KCNN2: variants seen among roughly 807,000 people sequenced by gnomAD.
The protein encoded by KCNN2 is potassium calcium-activated channel subfamily N member 2, also known as small conductance calcium-activated potassium channel protein 2.
In KCNN2, 24 loss-of-function variants were observed where a neutral mutation model predicts 55.5. That is an observed-to-expected ratio of 0.43 (90% CI 0.31 to 0.61). The LOEUF is 0.61. KCNN2 is among the 20% of genes least tolerant of loss of function. KCNN2 has a pLI of 0.08. For synonymous variants in KCNN2, 431 were observed against 336.1 expected, an observed-to-expected ratio of 1.28 and a Z score of -3.09; for missense variants, 754 against 853.6, an observed-to-expected ratio of 0.88 and a Z score of 1.45.
At chr5:114,265,648 G>A (rs955272422) in intron 2 of KCNN2, among the ~76,000 whole-genome samples, 10 of 152,122 alleles carry the variant, frequency 6.6e-5, no homozygotes, top group Non-Finnish European at 2.9e-5. Context: ...CCCACATAAG[G>A]AAAGTTAATC....
intron 3 of KCNN2, among the ~76,000 whole-genome samples, chr5:114,440,767 A>G (rs985615924): frequency 3.3e-5 from 5 of 152,188 alleles, no homozygotes; most frequent in Admixed American, 3.3e-4. Context: ...AGTAATAAAA[A>G]TAGAATGTAT....
intron 1 of KCNN2, among the ~76,000 whole-genome samples, chr5:114,059,069 C>T (rs1218981456): frequency 1.3e-5 from 2 of 152,002 alleles, no homozygotes; most frequent in East Asian, 1.9e-4. Context: ...CCAGCAATAG[C>T]CTGTTGGTGC....
chr5:114,224,663 G>T (rs983448536), intron 2 of KCNN2, among the ~76,000 whole-genome samples: 11 of 152,176 alleles, frequency 7.2e-5, no homozygotes, highest in Non-Finnish European at 5.9e-5. Flanking sequence ...TTCAAGGCAG[G>T]TGAGGTTTCT....
At chr5:114,425,498 A>G (rs1040907918) in intron 3 of KCNN2, among the ~76,000 whole-genome samples, 1 of 152,126 alleles carries the variant, frequency 6.6e-6, no homozygotes, top group Non-Finnish European at 1.5e-5. Flanking sequence ...TCCTTTGCAC[A>G]CATCCTCAAT....
chr5:114,071,591 G>A (rs890194426), intron 1 of KCNN2, among the ~76,000 whole-genome samples: 6 of 151,970 alleles, frequency 3.9e-5, no homozygotes, highest in African/African-American at 1.5e-4. Context: ...TCAAATAAAA[G>A]TTCATTGATA....
Position 114,267,258 on chromosome 5 carries a change from G to A in KCNN2, c.-185+45693G>A, listed in dbSNP as rs1755229437. Among the ~76,000 whole-genome samples the A allele has an allele frequency of 2.6e-5, 4 of 152,138 alleles. No individual in the cohort carries two copies. In the South Asian group the frequency reaches 8.3e-4, roughly 32 times the overall value. On this transcript the variant is annotated intron_variant, in intron 2 of 10. Coordinates refer to the KCNN2 transcript ENST00000512097. The stretch of plus-strand genomic sequence containing the variant: ...TCCACCCACCCCTCGGCCTCCCAAA[G>A]TGTTGGGATTACAGGCGTGAGCCAC...
intron 1 of KCNN2, among the ~76,000 whole-genome samples, chr5:114,068,243 A>G (rs1329316423): frequency 6.6e-6 from 1 of 152,252 alleles, no homozygotes; most frequent in Non-Finnish European, 1.5e-5. Flanking sequence ...AGTCCTTGGA[A>G]CATAATTATT....
Position 114,490,892 on chromosome 5 carries a change from G to T in KCNN2, c.2019-2511G>T, listed in dbSNP as rs932730323. On this transcript the variant is annotated intron_variant, in intron 6 of 7. Coordinates refer to ENST00000673685, the MANE Select transcript of KCNN2 (RefSeq NM_021614.4). ...CAACATATGTTTCTTTTTCTTTTTT[G>T]GGGGGAAAAGTGTAATACACATCTG... Among the ~76,000 whole-genome samples the T allele has an allele frequency of 4.6e-5, 7 of 151,904 alleles. No homozygotes were observed. The East Asian group carries it at 7.7e-4, about 17-fold the overall frequency.
At chr5:114,260,532 G>T (rs1172666767) in intron 2 of KCNN2, among the ~76,000 whole-genome samples, 2 of 152,142 alleles carry the variant, frequency 1.3e-5, no homozygotes, top group Non-Finnish European at 2.9e-5. Context: ...CCTCACTGTT[G>T]TGTAAAATCT....
In KCNN2 at chr5:114,388,805, A is replaced by G. The variant is rs115858774; in HGVS notation, c.1219-15633A>G. On this transcript the variant is annotated intron_variant, in intron 2 of 7. Coordinates refer to ENST00000673685, the MANE Select transcript of KCNN2 (RefSeq NM_021614.4). The stretch of plus-strand genomic sequence containing the variant: ...TTTGAAGTTTACAGTGACTTATTCT[A>G]TATCAGTTTTTTTTATTTTAACAAT... Among the ~76,000 whole-genome samples, 4 of 152,068 alleles carry G rather than the reference A, an allele frequency of 2.6e-5. No homozygotes were observed. The South Asian group carries it at 6.2e-4, about 24-fold the overall frequency.
At chr5:114,222,797 A>G (rs1017330025) in intron 2 of KCNN2, among the ~76,000 whole-genome samples, 1 of 152,164 alleles carries the variant, frequency 6.6e-6, no homozygotes, top group East Asian at 1.9e-4. Flanking sequence ...GTACTTCCTA[A>G]TAAGTCAGCT....
At chr5:114,233,638 C>T (rs1233410937) in intron 2 of KCNN2, among the ~76,000 whole-genome samples, 1 of 151,836 alleles carries the variant, frequency 6.6e-6, no homozygotes, top group Non-Finnish European at 1.5e-5. Flanking sequence ...CACTTTTATT[C>T]TTATAGTGAA....
At chr5:114,230,145 T>C (rs1398594512) in intron 2 of KCNN2, among the ~76,000 whole-genome samples, 1 of 152,176 alleles carries the variant, frequency 6.6e-6, no homozygotes, top group Admixed American at 6.5e-5. Flanking sequence ...AATGTATTTA[T>C]TTATAACACA....
intron 1 of KCNN2, among the ~76,000 whole-genome samples, chr5:114,057,802 G>T (rs1580471750): frequency 6.6e-6 from 1 of 152,124 alleles, no homozygotes; most frequent in East Asian, 1.9e-4. Context: ...TGAAGTGATG[G>T]TTGTTACCTT....
intron 1 of KCNN2, among the ~76,000 whole-genome samples, chr5:114,203,091 T>A (rs1753706780): frequency 6.6e-6 from 1 of 152,194 alleles, no homozygotes; most frequent in Non-Finnish European, 1.5e-5. Context: ...ATTTTGCTAG[T>A]GAAAGATGCT....
chr5:114,364,101 C>A, intron 2 of KCNN2, 100 bp downstream of exon 2: 1 of 832,468 alleles, frequency 1.2e-6, no homozygotes, highest in Non-Finnish European at 2.0e-6. Context: ...CATGTCCTTG[C>A]TTGAGGTTAC....
At chr5:114,347,525 A>T (rs1006989099) in intron 2 of KCNN2, among the ~76,000 whole-genome samples, 1 of 152,230 alleles carries the variant, frequency 6.6e-6, no homozygotes, top group African/African-American at 2.4e-5. Context: ...GTTCTTCATC[A>T]CAGAACTACG....
intron 1 of KCNN2, among the ~76,000 whole-genome samples, chr5:114,115,582 G>T (rs1325426506): frequency 1.3e-5 from 2 of 152,040 alleles, no homozygotes; most frequent in Non-Finnish European, 2.9e-5. Flanking sequence ...AGCAGCTGTT[G>T]GTACCCAGAC....
At chr5:114,076,604 C>G (rs1222909047) in intron 1 of KCNN2, among the ~76,000 whole-genome samples, 5 of 152,196 alleles carry the variant, frequency 3.3e-5, no homozygotes, top group Non-Finnish European at 1.5e-5. Flanking sequence ...GCTCTTATTT[C>G]CATTTCATTT....
Sources: gnomAD v4.1 joint callset for allele counts (sites outside exome capture counted in the v4.1 genomes callset) on GRCh38, gnomAD v4.1.1 for gene constraint, MANE v1.5 for transcripts, NCBI Gene and HGNC (gene_info 2026-07-23, HGNC 2026-07-21) for gene names.